Variants in GCNT1 observed in about 807,000 individuals in gnomAD.
GCNT1 encodes glucosaminyl (N-acetyl) transferase 1, also known as beta-1,3-galactosyl-O-glycosyl-glycoprotein beta-1,6-N-acetylglucosaminyltransferase.
A neutral mutation model predicts 26.2 loss-of-function variants in GCNT1; 16 were observed. The observed-to-expected ratio is 0.61, with a 90% CI of 0.41 to 0.93. The LOEUF is 0.93. GCNT1 is among the 40% of genes least tolerant of loss of function. The pLI, the probability that GCNT1 is intolerant of heterozygous loss-of-function variation, is 0.00. For missense variants in GCNT1, 477 were observed against 526.7 expected (o/e 0.91, Z 0.92); for synonymous variants, 183 against 190.8 (o/e 0.96, Z 0.34).
chr9:76,427,788 A>G (rs1042782905), intron 1 of GCNT1, among the ~76,000 whole-genome samples: 1 of 152,102 alleles, frequency 6.6e-6, no homozygotes, highest in African/African-American at 2.4e-5. Flanking sequence ...GGAGTTCGAG[A>G]CCACCCTGGC....
At chr9:76,464,105 T>C (rs898506377) in intron 2 of GCNT1, among the ~76,000 whole-genome samples, 16 of 150,340 alleles carry the variant, frequency 1.1e-4, no homozygotes, top group African/African-American at 3.7e-4. Context: ...GTTAGTGAAG[T>C]ACATTAGGGG....
upstream of GCNT1, among the ~76,000 whole-genome samples, chr9:76,415,281 T>G (rs936781816): frequency 7.2e-5 from 11 of 152,118 alleles, no homozygotes; most frequent in Non-Finnish European, 1.5e-4. Context: ...GGTCTTGAAT[T>G]CCTGGGCTCA....
chr9:76,437,154 A>G (rs897317660), upstream of GCNT1, among the ~76,000 whole-genome samples: 2 of 152,092 alleles, frequency 1.3e-5, no homozygotes, highest in African/African-American at 4.8e-5. Flanking sequence ...AAAAAAAGAG[A>G]GAGAGAGAGA....
intron 2 of GCNT1, among the ~76,000 whole-genome samples, chr9:76,461,821 G>A (rs1055225373): frequency 3.9e-5 from 6 of 152,170 alleles, no homozygotes; most frequent in African/African-American, 9.7e-5. Context: ...CCCGGGAGGC[G>A]GAGGTTAGGA....
chr9:76,429,631 G>C (rs893902737), intron 1 of GCNT1, among the ~76,000 whole-genome samples: 11 of 151,882 alleles, frequency 7.2e-5, no homozygotes, highest in African/African-American at 2.7e-4. Context: ...GGTCCAGCTT[G>C]CTCACATACA....
At chr9:76,395,157 G>A in the GCNT1 span, among the ~76,000 whole-genome samples, 1 of 152,096 alleles carries the variant, frequency 6.6e-6, no homozygotes, top group African/African-American at 2.4e-5. Flanking sequence ...TCGTACCCTC[G>A]GAACTGTAAA....
intron 2 of GCNT1, among the ~76,000 whole-genome samples, chr9:76,468,303 A>G (rs1438196191): frequency 6.6e-6 from 1 of 152,162 alleles, no homozygotes; most frequent in Non-Finnish European, 1.5e-5. Context: ...CATCAAGCAT[A>G]CTGTGAGATG....
At chr9:76,397,992 A>G in the GCNT1 span, among the ~76,000 whole-genome samples, 3 of 152,242 alleles carry the variant, frequency 2.0e-5, no homozygotes, top group Admixed American at 6.5e-5. Context: ...TTGAGAGTCT[A>G]TGTGTCTTTG....
chr9:76,484,298 A>G (rs1824506270), intron 2 of GCNT1, among the ~76,000 whole-genome samples: 2 of 151,686 alleles, frequency 1.3e-5, no homozygotes, highest in South Asian at 2.1e-4. Context: ...GATCCCCAGG[A>G]GTTTGAGCCT....
chr9:76,467,494 A>T (rs79494437), intron 2 of GCNT1, among the ~76,000 whole-genome samples: 4,018 of 152,132 alleles, frequency 0.026, 85 homozygotes, highest in Non-Finnish European at 0.043. Context: ...TGGAACTTTT[A>T]AAAAAACCTG....
intron 2 of GCNT1, among the ~76,000 whole-genome samples, chr9:76,487,934 G>A (rs145838763): frequency 9.1e-4 from 139 of 152,174 alleles, no homozygotes; most frequent in African/African-American, 3.2e-3. Flanking sequence ...GAGTCTCTCC[G>A]TGTTGCCCAG....
intron 1 of GCNT1, among the ~76,000 whole-genome samples, chr9:76,433,006 C>T (rs1024604430): frequency 2.0e-5 from 3 of 152,174 alleles, no homozygotes; most frequent in South Asian, 4.1e-4. Context: ...CCCAGCCACA[C>T]TGAGAGAGAG....
At chr9:76,488,935 A>G (rs1466385093) in intron 2 of GCNT1, among the ~76,000 whole-genome samples, 3 of 152,258 alleles carry the variant, frequency 2.0e-5, no homozygotes, top group African/African-American at 7.2e-5. Context: ...GTAGTAGGAT[A>G]CAACAATATC....
Position 76,442,598 on chromosome 9 carries a change from T to C in GCNT1, c.-290+283T>C, listed in dbSNP as rs187556972. 6.8e-3 allele frequency among the ~76,000 whole-genome samples: 1,034 copies of C among 152,266 alleles called. 10 individuals are homozygous for C. Among genetic ancestry groups the C allele is most frequent in the Middle Eastern group, 0.034 (10 of 294 alleles). ...TGGGAGGCTGAGGCAGGAGAACCACTTGAACCCGTGAGGCAGAGGTTGCAG... is the reference window on the plus strand; with the variant it reads ...TGGGAGGCTGAGGCAGGAGAACCACCTGAACCCGTGAGGCAGAGGTTGCAG... On this transcript the variant is annotated intron_variant, in intron 1 of 2. Transcript: ENST00000442371.
rs550280080 is a variant in GCNT1, at chr9:76,475,730, T to TA, written c.-290+15553_-290+15554insA. Among the ~76,000 whole-genome samples, 17 of 152,296 alleles carry TA rather than the reference T, an allele frequency of 1.1e-4. No homozygotes were observed. The East Asian group carries it at 3.3e-3, about 29-fold the overall frequency. On this transcript the variant is annotated intron_variant, in intron 2 of 3. Transcript: ENST00000376730. ...TCCTGTTTATTGAGCATGTGCTGTGTGTACCAGTCACTGTGCTTGGCACTT... is the reference window on the plus strand; with the variant it reads ...TCCTGTTTATTGAGCATGTGCTGTGTAGTACCAGTCACTGTGCTTGGCACTT...
chr9:76,436,598 C>CAAAAA (rs1178497535), intron 1 of GCNT1, among the ~76,000 whole-genome samples: 4 of 41,120 alleles, frequency 9.7e-5, no homozygotes, highest in Admixed American at 2.7e-4. Context: ...GATTCCATCT[C>CAAAAA]AAAAAAAAAA....
chr9:76,475,575 C>T lies in GCNT1; in HGVS notation c.-290+15398C>T, dbSNP rs60240152. 4.4e-4 allele frequency among the ~76,000 whole-genome samples: 67 copies of T among 152,270 alleles called. 2 individuals carry two copies. In the East Asian group the frequency reaches 0.012, roughly 27 times the overall value. ...AGTTCATGCTAATTGAATAGACCCA[C>T]GGAGTAGTGTGGGAGACAAGCCTGA... On this transcript the variant is annotated intron_variant, in intron 2 of 3. Coordinates refer to ENST00000376730, the MANE Select transcript of GCNT1 (RefSeq NM_001490.5).
chr9:76,443,902 GAAGA>G (rs1306853931), intron 1 of GCNT1, among the ~76,000 whole-genome samples: 2 of 64,500 alleles, frequency 3.1e-5, no homozygotes, highest in African/African-American at 1.2e-4. Flanking sequence ...AGAAAGAAAG[GAAGA>G]AAGGAAGAAA....
At chr9:76,479,756 C>T (rs896108148) in intron 2 of GCNT1, among the ~76,000 whole-genome samples, 2 of 152,098 alleles carry the variant, frequency 1.3e-5, no homozygotes, top group African/African-American at 2.4e-5. Flanking sequence ...GGATATTAGC[C>T]GTTTGTCAGA....
Sources: allele counts gnomAD v4.1 joint callset (sites outside exome capture counted in the v4.1 genomes callset), GRCh38; gene constraint gnomAD v4.1.1; transcripts MANE v1.5; gene names NCBI Gene and HGNC (gene_info 2026-07-23, HGNC 2026-07-21).